VPS35L: variants seen among roughly 807,000 people sequenced by gnomAD.
The protein encoded by VPS35L is VPS35 endosomal protein sorting factor like, also known as VPS35 endosomal protein-sorting factor-like.
A neutral mutation model predicts 133.0 loss-of-function variants in VPS35L; 83 were observed. The observed-to-expected ratio is 0.62, with a 90% CI of 0.52 to 0.75. VPS35L has a LOEUF of 0.75. VPS35L is among the 30% of genes least tolerant of loss of function. The pLI, the probability that VPS35L is intolerant of heterozygous loss-of-function variation, is 0.00. For synonymous variants in VPS35L, 423 were observed against 449.9 expected (o/e 0.94, Z 0.76); for missense variants, 1,083 against 1,206.8 (o/e 0.90, Z 1.52).
At chr16:19,618,349 C>G (rs1422262449) in intron 14 of VPS35L, among the ~76,000 whole-genome samples, 1 of 152,118 alleles carries the variant, frequency 6.6e-6, no homozygotes, top group Non-Finnish European at 1.5e-5. Flanking sequence ...TATAAACACA[C>G]ACAGAGATGC....
intron 14 of VPS35L, among the ~76,000 whole-genome samples, chr16:19,622,140 C>CTTTTT (rs60521137): frequency 1.9e-5 from 2 of 107,918 alleles, no homozygotes; most frequent in African/African-American, 3.4e-5. Context: ...CCATGTATAT[C>CTTTTT]TTTTTTTTTT....
intron 26 of VPS35L, among the ~76,000 whole-genome samples, chr16:19,665,579 G>A (rs1974636632): frequency 6.6e-6 from 1 of 152,180 alleles, no homozygotes; most frequent in Non-Finnish European, 1.5e-5. Flanking sequence ...CCGTTTGTCT[G>A]TTGACGGACA....
intron 26 of VPS35L, among the ~76,000 whole-genome samples, chr16:19,667,416 G>A (rs894657863): frequency 2.6e-5 from 4 of 152,096 alleles, no homozygotes; most frequent in Non-Finnish European, 5.9e-5. Flanking sequence ...TGGATTCATA[G>A]ACCAAAATAC....
chr16:19,608,209 G>A lies in VPS35L; in HGVS notation c.816G>A (p.Thr272=), dbSNP rs34693771. The change falls in exon 10 of 31, where the codon ACG becomes ACA. Residue 272 remains threonine (T), a synonymous_variant. Transcript: ENST00000417362. ...DHFSPENAND[T]AKETCLNWFF... is the part of the protein sequence containing the mutation. ...TTTCTCCAGAGAATGCAAATGACAC[G>A]GCCAAGGAAACATGCCTAAATTGGT... The A allele has an allele frequency of 3.5e-3, 5,601 of 1,613,350 alleles. 158 individuals carry two copies. In the African/African-American group the frequency reaches 0.063, roughly 18 times the overall value.
At chr16:19,644,856 G>T in intron 22 of VPS35L, 30 bp from the exon 23 acceptor site, 3 of 1,497,662 alleles carry the variant, frequency 2.0e-6, no homozygotes, top group Non-Finnish European at 1.8e-6. Context: ...TATTACCTCC[G>T]TGTTAATTAT....
intron 26 of VPS35L, among the ~76,000 whole-genome samples, chr16:19,656,266 A>G (rs1006765265): frequency 8.5e-6 from 1 of 118,074 alleles, no homozygotes; most frequent in Non-Finnish European, 1.6e-5. Context: ...TCTGTCTCAA[A>G]AAAAAAAAAA....
At chr16:19,654,276 C>T (rs1277682070) in intron 26 of VPS35L, among the ~76,000 whole-genome samples, 3 of 152,072 alleles carry the variant, frequency 2.0e-5, no homozygotes, top group Non-Finnish European at 4.4e-5. Context: ...TTGTTGCACA[C>T]TCCACAATCC....
chr16:19,649,873 G>A (rs1349964436), intron 24 of VPS35L, among the ~76,000 whole-genome samples: 10 of 152,204 alleles, frequency 6.6e-5, no homozygotes, highest in Non-Finnish European at 1.3e-4. Context: ...CTGGGATTAT[G>A]AAGCTTAAGT....
chr16:19,573,993 A>T (rs1306639495), intron 4 of VPS35L, among the ~76,000 whole-genome samples: 1 of 152,104 alleles, frequency 6.6e-6, no homozygotes, highest in Non-Finnish European at 1.5e-5. Context: ...CAAGACACTT[A>T]CGAAATTCGA....
At chr16:19,645,669 C>T (rs920725673) in intron 23 of VPS35L, among the ~76,000 whole-genome samples, 9 of 152,190 alleles carry the variant, frequency 5.9e-5, no homozygotes, top group African/African-American at 2.2e-4. Flanking sequence ...TCCAGGTTTC[C>T]ATCCCCCCCA....
chr16:19,662,667 C>T (rs1974526311), intron 26 of VPS35L, among the ~76,000 whole-genome samples: 1 of 152,140 alleles, frequency 6.6e-6, no homozygotes, highest in South Asian at 2.1e-4. Flanking sequence ...TAAAACCCCC[C>T]ACATTCACTT....
chr16:19,669,442 A>G (rs1333040741), intron 27 of VPS35L, 143 bp downstream of exon 27: 12 of 1,061,256 alleles, frequency 1.1e-5, no homozygotes, highest in East Asian at 2.5e-5. Flanking sequence ...TGAATTGCTT[A>G]ATGAATTTTC....
rs537660267 is a variant in VPS35L, at chr16:19,651,979, T to A, written c.2110T>A (p.Cys704Ser). Residue 704 changes from cysteine (C) to serine (S), a missense_variant, in exon 26 of 31, where the codon TGT becomes AGT. Cys to Ser is a moderately radical substitution (Grantham distance 112). Transcript: ENST00000417362. ...AATGTTTCTTCCCTTCTCCTAGGCC[T>A]GTGTTGCCTACTGCTTCATCACCAT... ...SRKTAAFVRACVAYCFITIPS... is the reference protein window; with the variant it reads ...SRKTAAFVRASVAYCFITIPS... 6.2e-5 allele frequency: 99 copies of A among 1,597,514 alleles called. No individual in the cohort carries two copies. The highest frequency in any genetic ancestry group is 1.3e-4 in the South Asian group (12 of 90,430).
chr16:19,571,256 G>T (rs1330480602), intron 3 of VPS35L, among the ~76,000 whole-genome samples: 3 of 151,988 alleles, frequency 2.0e-5, no homozygotes. Context: ...TTGCTCTTTT[G>T]CCTAGGCTGG....
rs376816977 is a variant in VPS35L at position 19,670,350 on chromosome 16, C to T, written c.2361+1051C>T. ...GCCCAGTGGGGAAGGGCACAGGCCT[C>T]GGAACCAAGATGTCCAGCATGGAAT... On this transcript the variant is annotated intron_variant, in intron 27 of 30. Transcript: ENST00000417362. 2.9e-4 allele frequency among the ~76,000 whole-genome samples: 44 copies of T among 152,322 alleles called. 1 individual carries two copies. The highest frequency in any genetic ancestry group is 2.7e-3 in the East Asian group (14 of 5,182).
chr16:19,681,839 C>T (rs759384883), intron 27 of VPS35L, among the ~76,000 whole-genome samples: 7 of 151,790 alleles, frequency 4.6e-5, no homozygotes, highest in Non-Finnish European at 7.4e-5. Flanking sequence ...CCATCTGCTA[C>T]GATACCCGCG....
intron 27 of VPS35L, among the ~76,000 whole-genome samples, chr16:19,673,646 T>G (rs1030434143): frequency 6.6e-6 from 1 of 152,164 alleles, no homozygotes; most frequent in African/African-American, 2.4e-5. Flanking sequence ...ATTGCATGTG[T>G]TTTAGCTGGG....
At chr16:19,615,604 C>A (rs761333554) in intron 12 of VPS35L, among the ~76,000 whole-genome samples, 2 of 151,072 alleles carry the variant, frequency 1.3e-5, no homozygotes, top group South Asian at 4.2e-4. Flanking sequence ...GAGCCAAGAT[C>A]GTGCCACTGC....
At position 19,570,496 on chromosome 16, in the gene VPS35L, A is replaced by G. The variant is rs545059643; in HGVS notation, c.285+905A>G. ...GTCATGTAGAGCAATCCTCATTCCA[A>G]TCTCCACCCTGGCGGTTGTGAGAAT... On this transcript the variant is annotated intron_variant, in intron 3 of 30. Transcript: ENST00000417362. 1.6e-4 allele frequency among the ~76,000 whole-genome samples: 24 copies of G among 152,094 alleles called. No individual in the cohort carries two copies. In the South Asian group the frequency reaches 4.6e-3, roughly 29 times the overall value.
Sources: gnomAD v4.1 joint callset for allele counts (sites outside exome capture counted in the v4.1 genomes callset) on GRCh38, gnomAD v4.1.1 for gene constraint, MANE v1.5 for transcripts, NCBI Gene and HGNC (gene_info 2026-07-23, HGNC 2026-07-21) for gene names.